The following PLA2R1 variants were observed in gnomAD, a reference collection of about 807,000 sequenced individuals.
PLA2R1 encodes secretory phospholipase A2 receptor.
In PLA2R1, 158 loss-of-function variants were observed where a neutral mutation model predicts 195.9. The observed-to-expected ratio is 0.81, with a 90% confidence interval of 0.71 to 0.92. The LOEUF is 0.92. Ranked by LOEUF, PLA2R1 falls within the 40% of genes least tolerant of loss-of-function variation. The pLI, the probability that PLA2R1 is intolerant of heterozygous loss-of-function variation, is 0.00. For synonymous variants in PLA2R1, 586 were observed against 598.2 expected (o/e 0.98, Z 0.30); for missense variants, 1,626 against 1,764.6 (o/e 0.92, Z 1.41).
At chr2:160,008,345 A>G (rs1221624321) in intron 10 of PLA2R1, among the ~76,000 whole-genome samples, 1 of 152,176 alleles carries the variant, frequency 6.6e-6, no homozygotes, top group Non-Finnish European at 1.5e-5. Flanking sequence ...GTGTGGTACT[A>G]GCATAAACAC....
chr2:159,977,222 G>T, intron 15 of PLA2R1, 62 bp downstream of exon 15: 2 of 1,270,034 alleles, frequency 1.6e-6, no homozygotes, highest in Non-Finnish European at 2.2e-6. Context: ...TGTTTAAATT[G>T]GGAAAGTACT....
At chr2:159,966,187 C>A (rs1399911200) in intron 20 of PLA2R1, among the ~76,000 whole-genome samples, 4 of 152,152 alleles carry the variant, frequency 2.6e-5, no homozygotes, top group African/African-American at 9.7e-5. Flanking sequence ...TGTAGTATAT[C>A]CATACAATGG....
chr2:160,044,767 T>C lies in PLA2R1; in HGVS notation c.493+7A>G. 1.2e-6 allele frequency: 2 copies of C among 1,601,190 alleles called. No individual in the cohort carries two copies. The highest frequency in any genetic ancestry group is 1.7e-6 in the Non-Finnish European group (2 of 1,170,210). On this transcript the variant is annotated splice_region_variant and intron_variant, in intron 2 of 29. Coordinates refer to ENST00000283243, the MANE Select transcript of PLA2R1 (RefSeq NM_007366.5). ...ATTCCCTGAGTGCTTCTTTAAATTA[T>C]TTTTACCTTTGTGTAGATATTCACA...
chr2:159,992,608 C>G (rs1404508278), intron 11 of PLA2R1, among the ~76,000 whole-genome samples: 1 of 150,232 alleles, frequency 6.7e-6, no homozygotes, highest in Non-Finnish European at 1.5e-5. Flanking sequence ...TTTACAGATT[C>G]AATGCCATCC....
At chr2:160,039,791 G>C (rs985616989) in intron 3 of PLA2R1, among the ~76,000 whole-genome samples, 1 of 152,044 alleles carries the variant, frequency 6.6e-6, no homozygotes, top group Non-Finnish European at 1.5e-5. Context: ...CTGTCAAGCA[G>C]AGGAAGCTTC....
chr2:159,980,710 T>A (rs1191077255), intron 13 of PLA2R1, among the ~76,000 whole-genome samples: 1 of 152,186 alleles, frequency 6.6e-6, no homozygotes, highest in Non-Finnish European at 1.5e-5. Flanking sequence ...ACTCAATAAA[T>A]CGAGTAATAA....
rs889319217 is a variant in PLA2R1 at position 159,933,963 on chromosome 2, C to G, written c.*7815G>C. On this transcript the variant is annotated 3_prime_UTR_variant, in exon 30 of 30. Transcript: ENST00000283243. ...ACAGTATGTGAGTGAATGGGGATGG[C>G]AGCATCCCAATAACTTTATTTCCAA... 1 of 152,192 alleles carries G rather than the reference C, an allele frequency of 6.6e-6. No individual in the cohort carries two copies. The highest frequency in any genetic ancestry group is 2.4e-5 in the African/African-American group (1 of 41,448). The allele number at this position is 152,192 out of a possible 1,614,324, so 9.4% of individuals were successfully genotyped here.
intron 13 of PLA2R1, among the ~76,000 whole-genome samples, chr2:159,981,608 C>T (rs956348306): frequency 4.6e-5 from 7 of 152,080 alleles, no homozygotes; most frequent in African/African-American, 1.7e-4. Context: ...GGGGTTTCAC[C>T]ATGTTGCCCA....
chr2:160,062,266 G>T, intron 1 of PLA2R1, 29 bp downstream of exon 1: 1 of 767,260 alleles, frequency 1.3e-6, no homozygotes, highest in Non-Finnish European at 1.8e-6. Context: ...CCAACGTACC[G>T]ATCCAGTCCC....
At chr2:159,928,541 A>G (rs958594871), downstream of PLA2R1, among the ~76,000 whole-genome samples, 1 of 152,262 alleles carries the variant, frequency 6.6e-6, no homozygotes, top group African/African-American at 2.4e-5. Flanking sequence ...TACCATGTTC[A>G]TGGATAGGTG....
rs1686795107 is a variant in PLA2R1, at chr2:159,935,874, CTTTAA to C, written c.*5899_*5903del. 6.6e-6 allele frequency: 1 copy of C among 150,946 alleles called. No individual in the cohort carries two copies. Among genetic ancestry groups the C allele is most frequent in the African/African-American group, 2.4e-5 (1 of 40,880 alleles). 9.4% of individuals were successfully genotyped at this position (150,946 alleles called of 1,614,324 possible). On this transcript the variant is annotated 3_prime_UTR_variant, in exon 30 of 30. Transcript: ENST00000283243. The stretch of plus-strand genomic sequence containing the variant: ...CAGAATTTTATCCTAATGAGATATA[CTTTAA>C]TTTGTGAAATATTTTATTCATTACC...
chr2:160,030,972 T>C (rs572153159), intron 4 of PLA2R1, among the ~76,000 whole-genome samples: 1 of 152,234 alleles, frequency 6.6e-6, no homozygotes, highest in African/African-American at 2.4e-5. Context: ...AGATAGATAA[T>C]TGTAATTCAT....
In PLA2R1 at chr2:160,005,716, A is replaced by C. The variant is rs769014702; in HGVS notation, c.1770T>G (p.Thr590=). ...LQDQNDTGEY[T]WKPVGQKPEP... is the part of the protein sequence containing the mutation. ...CGGGTTTCTGCCCTACTGGCTTCCA[A>C]GTGTATTCTCCCGTATCATTTTGGT... The change falls in exon 11 of 30, where the codon ACT becomes ACG. Residue 590 remains threonine, a synonymous_variant. Coordinates refer to ENST00000283243, the MANE Select transcript of PLA2R1 (RefSeq NM_007366.5). The C allele has an allele frequency of 3.7e-6, 6 of 1,613,826 alleles. No homozygotes were observed. The highest frequency in any genetic ancestry group is 1.3e-5 in the African/African-American group (1 of 74,890).
intron 1 of PLA2R1, 32 bp downstream of exon 1, chr2:160,062,263 A>G: frequency 2.3e-6 from 3 of 1,321,282 alleles, no homozygotes; most frequent in Non-Finnish European, 3.0e-6. Flanking sequence ...TCCCCAACGT[A>G]CCGATCCAGT....
intron 13 of PLA2R1, 48 bp from the exon 14 acceptor site, chr2:159,979,962 G>A (rs1689835448): frequency 2.6e-6 from 3 of 1,132,180 alleles, no homozygotes; most frequent in Non-Finnish European, 2.7e-6. Flanking sequence ...CAAATTTACA[G>A]CATTATGTGA....
Position 160,036,469 on chromosome 2 carries a change from C to T in PLA2R1, c.668-3337G>A, listed in dbSNP as rs533093822. Among the ~76,000 whole-genome samples, 7 of 152,284 alleles carry T rather than the reference C, an allele frequency of 4.6e-5. No homozygotes were observed. In the South Asian group the frequency reaches 1.2e-3, roughly 27 times the overall value. On this transcript the variant is annotated intron_variant, in intron 3 of 29. Transcript: ENST00000283243. The stretch of plus-strand genomic sequence containing the variant: ...TGGTAGGCCTCATGGGGGAAAGCTG[C>T]CCCTACCCCAGACTTGGTGCTGAGC...
chr2:160,026,005 A>G (rs1007913431), intron 6 of PLA2R1, among the ~76,000 whole-genome samples: 7 of 152,210 alleles, frequency 4.6e-5, no homozygotes, highest in Non-Finnish European at 1.0e-4. Context: ...TGAGCAGACT[A>G]TAGTTGCTCT....
intron 23 of PLA2R1, among the ~76,000 whole-genome samples, chr2:159,952,160 C>G (rs1012536729): frequency 1.3e-5 from 2 of 152,066 alleles, no homozygotes; most frequent in African/African-American, 2.4e-5. Flanking sequence ...TTCTTATAAA[C>G]AGTTACTATT....
chr2:159,924,873 T>C, the PLA2R1 span, among the ~76,000 whole-genome samples: 1 of 152,216 alleles, frequency 6.6e-6, no homozygotes, highest in Non-Finnish European at 1.5e-5. Context: ...CTATATTTTG[T>C]TAAGAATAAC....
Sources: gnomAD v4.1 joint callset for allele counts (sites outside exome capture counted in the v4.1 genomes callset) on GRCh38, gnomAD v4.1.1 for gene constraint, MANE v1.5 for transcripts, NCBI Gene and HGNC (gene_info 2026-07-23, HGNC 2026-07-21) for gene names.